SPNS3: variants seen among roughly 807,000 people sequenced by gnomAD.
The protein encoded by SPNS3 is protein spinster homolog 3.
Under a neutral mutation model 54.4 loss-of-function variants are expected in SPNS3, and 51 were observed. That is an observed-to-expected ratio of 0.94 (90% CI 0.75 to 1.18). The LOEUF is 1.18. SPNS3 is among the 50% of genes most tolerant of loss of function. The probability of loss-of-function intolerance (pLI) is 0.00; values close to 1 mark genes in which losing one functional copy is unlikely to be tolerated. For missense variants in SPNS3, 669 were observed against 677.4 expected, an observed-to-expected ratio of 0.99 and a Z score of 0.14; for synonymous variants, 309 against 294.7, an observed-to-expected ratio of 1.05 and a Z score of -0.50.
At chr17:4,435,843 A>T (rs939566261) in intron 1 of SPNS3, among the ~76,000 whole-genome samples, 2 of 152,198 alleles carry the variant, frequency 1.3e-5, no homozygotes, top group African/African-American at 4.8e-5. Flanking sequence ...GAGGCAGGAC[A>T]GTCGCTTGAA....
At chr17:4,453,281 G>A (rs1051077341) in intron 8 of SPNS3, 76 bp downstream of exon 8, 21 of 1,395,182 alleles carry the variant, frequency 1.5e-5, no homozygotes, top group Admixed American at 1.0e-4. Flanking sequence ...CTCATGCTGC[G>A]CCCGGCCTTT....
chr17:4,455,067 C>T (rs1223621119), intron 8 of SPNS3, among the ~76,000 whole-genome samples: 5 of 151,984 alleles, frequency 3.3e-5, no homozygotes, highest in Non-Finnish European at 5.9e-5. Context: ...GTGTGAGCCA[C>T]CACGCCCAGC....
At chr17:4,476,716 C>T (rs900759454) in intron 8 of SPNS3, among the ~76,000 whole-genome samples, 3 of 152,096 alleles carry the variant, frequency 2.0e-5, no homozygotes. Context: ...GGTGCCCGGC[C>T]CCATGTCCTA....
intron 1 of SPNS3, among the ~76,000 whole-genome samples, chr17:4,435,464 A>T (rs542666076): frequency 1.3e-5 from 2 of 150,538 alleles, no homozygotes; most frequent in African/African-American, 2.4e-5. Context: ...TAAAAAATAA[A>T]AAATAAATAA....
At chr17:4,469,803 G>A (rs16953945) in intron 8 of SPNS3, among the ~76,000 whole-genome samples, 64,772 of 151,754 alleles carry the variant, frequency 0.43, 14,751 homozygotes, top group Middle Eastern at 0.61. Context: ...CAGTGCTACC[G>A]TGGTGAGGTC....
intron 3 of SPNS3, 66 bp downstream of exon 3, chr17:4,445,234 G>T: frequency 6.6e-7 from 1 of 1,516,892 alleles, no homozygotes; most frequent in Non-Finnish European, 9.0e-7. Context: ...CCCTGATTCA[G>T]CCCCGTCAGA....
At position 4,444,241 on chromosome 17, in the gene SPNS3, G is replaced by A. The variant is rs572461683; in HGVS notation, c.266-791G>A. On this transcript the variant is annotated intron_variant, in intron 2 of 11. Coordinates refer to ENST00000355530, the MANE Select transcript of SPNS3 (RefSeq NM_182538.5). ...TATTCTTTTTTTTTTTTGAGACCAAGTCTTGCTCTGTCGCCCAGGCTGGAG... is the reference window on the plus strand; with the variant it reads ...TATTCTTTTTTTTTTTTGAGACCAAATCTTGCTCTGTCGCCCAGGCTGGAG... 2.6e-4 allele frequency among the ~76,000 whole-genome samples: 39 copies of A among 150,522 alleles called. No individual in the cohort carries two copies. The East Asian group carries it at 6.5e-3, about 25-fold the overall frequency.
rs1487273222 is a variant in SPNS3, at chr17:4,462,806, A to C, written c.1113+9601A>C. ...CCATCCATCCATCCATCCATCCACC[A>C]ATCTATCCATCCATCCATCCATCCA... On this transcript the variant is annotated intron_variant, in intron 8 of 11. Transcript: ENST00000355530. 9.7e-3 allele frequency among the ~76,000 whole-genome samples: 434 copies of C among 44,774 alleles called. 33 individuals are homozygous for C. The highest frequency in any genetic ancestry group is 0.046 in the African/African-American group (359 of 7,740). 29.4% of individuals were successfully genotyped at this position (44,774 alleles called of 152,430 possible).
chr17:4,441,895 G>A (rs952012645), intron 2 of SPNS3, among the ~76,000 whole-genome samples: 9 of 151,796 alleles, frequency 5.9e-5, no homozygotes, highest in Middle Eastern at 3.2e-3. Flanking sequence ...GATTACAGAC[G>A]TGAGCCACCA....
At chr17:4,454,118 C>G (rs990826356) in intron 8 of SPNS3, among the ~76,000 whole-genome samples, 5 of 152,224 alleles carry the variant, frequency 3.3e-5, no homozygotes, top group Admixed American at 3.3e-4. Context: ...ATCCTCACAC[C>G]AGAATTCACG....
chr17:4,449,299 T>A lies in SPNS3; in HGVS notation c.835T>A (p.Phe279Ile), dbSNP rs1190462572. Reference protein sequence around the residue: ...AMAFVTGALGFWAPKFLLEAR... With the variant: ...AMAFVTGALGIWAPKFLLEAR... ...GGCCTTTGTGACTGGAGCCCTGGGG[T>A]TCTGGGCCCCCAAGTTTCTGCTCGA... The change falls in exon 7 of 12, where the codon TTC (phenylalanine) becomes ATC (isoleucine). Residue 279 changes from phenylalanine to isoleucine, a missense_variant. Coordinates refer to ENST00000355530, the MANE Select transcript of SPNS3 (RefSeq NM_182538.5). 1 of 1,612,316 alleles carries A rather than the reference T, an allele frequency of 6.2e-7. No individual in the cohort carries two copies. The highest frequency in any genetic ancestry group is 1.1e-5 in the South Asian group (1 of 91,046).
intron 8 of SPNS3, among the ~76,000 whole-genome samples, chr17:4,474,097 G>A (rs2144182300): frequency 6.6e-6 from 1 of 152,352 alleles, no homozygotes; most frequent in Middle Eastern, 3.4e-3. Flanking sequence ...TATAACAGGT[G>A]TCTGTTGGCT....
At chr17:4,449,637 T>G (rs919875268) in intron 7 of SPNS3, among the ~76,000 whole-genome samples, 12 of 152,036 alleles carry the variant, frequency 7.9e-5, no homozygotes, top group African/African-American at 2.9e-4. Flanking sequence ...ATCTCCACTC[T>G]TGGGGCTGCT....
intron 1 of SPNS3, among the ~76,000 whole-genome samples, chr17:4,438,944 G>T (rs1393763808): frequency 7.6e-6 from 1 of 132,282 alleles, no homozygotes; most frequent in East Asian, 2.0e-4. Flanking sequence ...GAGTTCCTGT[G>T]TGTGTGTGTG....
chr17:4,458,690 C>A (rs1472081930), intron 8 of SPNS3, among the ~76,000 whole-genome samples: 1 of 146,816 alleles, frequency 6.8e-6, no homozygotes, highest in Non-Finnish European at 1.5e-5. Flanking sequence ...CTTTTCCTTC[C>A]CTTCCTTCCT....
chr17:4,471,397 T>C (rs1971850380), intron 8 of SPNS3, among the ~76,000 whole-genome samples: 1 of 152,242 alleles, frequency 6.6e-6, no homozygotes, highest in Non-Finnish European at 1.5e-5. Flanking sequence ...ATCTACCCCT[T>C]GTCCCCCAAA....
intron 3 of SPNS3, 85 bp from the exon 4 acceptor site, chr17:4,445,963 C>T (rs886677720): frequency 1.5e-5 from 23 of 1,494,016 alleles, no homozygotes; most frequent in East Asian, 6.9e-5. Context: ...CATGAGGTCC[C>T]CTTGGCTCCT....
chr17:4,446,683 G>T, intron 4 of SPNS3: 4 of 605,312 alleles, frequency 6.6e-6, no homozygotes. Context: ...TGGCGCTGGG[G>T]GTGGGCCAGG....
chr17:4,439,317 G>T (rs916223254), intron 1 of SPNS3, among the ~76,000 whole-genome samples: 1 of 152,114 alleles, frequency 6.6e-6, no homozygotes, highest in Non-Finnish European at 1.5e-5. Flanking sequence ...TAGAGACGGG[G>T]TTTCACCACG....
Sources: allele counts gnomAD v4.1 joint callset (sites outside exome capture counted in the v4.1 genomes callset), GRCh38; gene constraint gnomAD v4.1.1; transcripts MANE v1.5; gene names NCBI Gene and HGNC (gene_info 2026-07-23, HGNC 2026-07-21).